The following STAU2 variants were observed in gnomAD, a reference collection of about 807,000 sequenced individuals.
The protein encoded by STAU2 is staufen double-stranded RNA binding protein 2.
STAU2 carries 20 observed loss-of-function variants against 65.9 expected under a neutral mutation model. The ratio of observed to expected loss-of-function variants is 0.30; its 90% CI spans 0.21 to 0.44. The LOEUF (loss-of-function observed/expected upper bound fraction) is 0.44, where lower values mean the gene tolerates loss of function less well. STAU2 is among the 20% of genes least tolerant of loss of function. STAU2 has a pLI of 1.00. For missense variants in STAU2, 558 were observed against 683.9 expected, an observed-to-expected ratio of 0.82 and a Z score of 2.05; for synonymous variants, 232 against 233.9, an observed-to-expected ratio of 0.99 and a Z score of 0.07.
chr8:73,477,423 C>CAT (rs1318077762), intron 13 of STAU2, among the ~76,000 whole-genome samples: 2 of 152,102 alleles, frequency 1.3e-5, no homozygotes, highest in African/African-American at 4.8e-5. Context: ...AACTTGTTCA[C>CAT]ATATATATAT....
At chr8:73,642,576 T>A (rs1255703293) in intron 6 of STAU2, among the ~76,000 whole-genome samples, 1 of 152,042 alleles carries the variant, frequency 6.6e-6, no homozygotes. Flanking sequence ...AAGACCAAAT[T>A]TCGTAAAATA....
chr8:73,730,751 C>CAA (rs1177918100), intron 3 of STAU2, among the ~76,000 whole-genome samples: 1 of 129,922 alleles, frequency 7.7e-6, no homozygotes, highest in Non-Finnish European at 1.7e-5. Context: ...AAAAAAAAGA[C>CAA]AAAAAAAAAA....
chr8:73,702,797 C>G (rs1820206756), intron 4 of STAU2, among the ~76,000 whole-genome samples: 1 of 152,126 alleles, frequency 6.6e-6, no homozygotes, highest in Non-Finnish European at 1.5e-5. Flanking sequence ...AGATAGCCAG[C>G]ATTATCAGTC....
chr8:73,613,804 A>G lies in STAU2; in HGVS notation c.831T>C (p.Pro277=). The G allele has an allele frequency of 6.2e-7, 1 of 1,613,508 alleles. No homozygotes were observed. Among genetic ancestry groups the G allele is most frequent in the Non-Finnish European group, 8.5e-7 (1 of 1,179,720 alleles). Residue 277 remains proline (P), a synonymous_variant, in exon 9 of 15, where the codon CCT becomes CCC. Transcript: ENST00000524300. The part of the protein sequence containing the change: ...TVLQELKKLP[P]LPVVEKPKLF... ...GTTTTGGCTTTTCCACCACAGGAAGAGGTGGAAGTTTTTTAAGCTCCTGTA... is the reference window on the plus strand; with the variant it reads ...GTTTTGGCTTTTCCACCACAGGAAGGGGTGGAAGTTTTTTAAGCTCCTGTA...
At chr8:73,444,906 TAC>T (rs1818388187) in intron 13 of STAU2, among the ~76,000 whole-genome samples, 1 of 152,202 alleles carries the variant, frequency 6.6e-6, no homozygotes, top group Admixed American at 6.5e-5. Context: ...AAGGGGCACA[TAC>T]TTTGTTAACT....
In STAU2 at chr8:73,667,234, C is replaced by T. The variant is rs553750255; in HGVS notation, c.410+5873G>A. 9.2e-5 allele frequency among the ~76,000 whole-genome samples: 14 copies of T among 152,192 alleles called. No homozygotes were observed. The South Asian group carries it at 2.9e-3, about 32-fold the overall frequency. The stretch of plus-strand genomic sequence containing the variant: ...AACAACATTGTCGTAATTCTTTATC[C>T]CTTCAAGTTTTAGGAATATTGCCAA... On this transcript the variant is annotated intron_variant, in intron 6 of 14. Transcript: ENST00000524300.
chr8:73,571,191 G>C (rs1241447925), intron 12 of STAU2, among the ~76,000 whole-genome samples: 1 of 152,168 alleles, frequency 6.6e-6, no homozygotes, highest in Non-Finnish European at 1.5e-5. Flanking sequence ...AACAAGAAGA[G>C]CTAACTATCC....
intron 4 of STAU2, among the ~76,000 whole-genome samples, chr8:73,696,749 T>A (rs921880075): frequency 6.6e-6 from 1 of 152,058 alleles, no homozygotes; most frequent in African/African-American, 2.4e-5. Context: ...GAAAATAGCC[T>A]CAAAGGGGCA....
intron 13 of STAU2, among the ~76,000 whole-genome samples, chr8:73,424,091 C>A (rs1184021332): frequency 6.9e-6 from 1 of 144,582 alleles, no homozygotes; most frequent in Non-Finnish European, 1.5e-5. Flanking sequence ...AACCACCAAT[C>A]TTTTTACCAT....
chr8:73,732,411 G>T (rs1806131028), intron 3 of STAU2, among the ~76,000 whole-genome samples: 1 of 152,096 alleles, frequency 6.6e-6, no homozygotes, highest in Admixed American at 6.5e-5. Flanking sequence ...GTGTGTATGG[G>T]GATTACACCA....
At chr8:73,705,467 A>C (rs1353592259) in intron 4 of STAU2, among the ~76,000 whole-genome samples, 2 of 152,218 alleles carry the variant, frequency 1.3e-5, no homozygotes, top group Non-Finnish European at 2.9e-5. Flanking sequence ...AAATTATCAG[A>C]ATAGGAAAAT....
intron 10 of STAU2, among the ~76,000 whole-genome samples, chr8:73,599,282 C>T (rs546416746): frequency 4.8e-4 from 73 of 152,226 alleles, no homozygotes; most frequent in African/African-American, 1.7e-3. Flanking sequence ...TTTGACTACA[C>T]TAAAAATTAC....
At chr8:73,460,553 CT>C (rs1209567519) in intron 13 of STAU2, among the ~76,000 whole-genome samples, 1 of 152,168 alleles carries the variant, frequency 6.6e-6, no homozygotes, top group East Asian at 1.9e-4. Context: ...TTACATTGGC[CT>C]TTTGAGGAAA....
chr8:73,458,491 T>A (rs7839905), intron 13 of STAU2, among the ~76,000 whole-genome samples: 1 of 152,060 alleles, frequency 6.6e-6, no homozygotes, highest in African/African-American at 2.4e-5. Context: ...AGACATTCTC[T>A]CCCAATACTT....
At chr8:73,510,097 C>A in intron 13 of STAU2, among the ~76,000 whole-genome samples, 1 of 151,884 alleles carries the variant, frequency 6.6e-6, no homozygotes, top group East Asian at 1.9e-4. Context: ...GACTGAGTTT[C>A]GCTCTTGTTG....
At chr8:73,485,477 C>T (rs1012452991) in intron 13 of STAU2, among the ~76,000 whole-genome samples, 17 of 152,016 alleles carry the variant, frequency 1.1e-4, no homozygotes, top group East Asian at 1.9e-4. Flanking sequence ...AGTAGGACCA[C>T]GGAAGGGAGA....
At chr8:73,736,577 T>C (rs7009095) in intron 3 of STAU2, among the ~76,000 whole-genome samples, 1 of 152,080 alleles carries the variant, frequency 6.6e-6, no homozygotes, top group South Asian at 2.1e-4. Flanking sequence ...AGAGGAAATC[T>C]GTGCAAATCC....
chr8:73,543,931 C>T (rs1473609478), intron 13 of STAU2, among the ~76,000 whole-genome samples: 1 of 152,216 alleles, frequency 6.6e-6, no homozygotes, highest in Non-Finnish European at 1.5e-5. Context: ...CCGATTTCAA[C>T]TGCCTACTGG....
At chr8:73,472,146 C>T (rs1362537645) in intron 13 of STAU2, among the ~76,000 whole-genome samples, 2 of 151,946 alleles carry the variant, frequency 1.3e-5, no homozygotes, top group Non-Finnish European at 2.9e-5. Flanking sequence ...TGGAGAGGGA[C>T]AAATCTGTCA....
Sources: gnomAD v4.1 joint callset for allele counts (sites outside exome capture counted in the v4.1 genomes callset) on GRCh38, gnomAD v4.1.1 for gene constraint, MANE v1.5 for transcripts, NCBI Gene and HGNC (gene_info 2026-07-23, HGNC 2026-07-21) for gene names.